Variants in PTPN14 observed in about 807,000 individuals in gnomAD.
The protein encoded by PTPN14 is tyrosine-protein phosphatase non-receptor type 14.
Under a neutral mutation model 126.8 loss-of-function variants are expected in PTPN14, and 53 were observed. The observed-to-expected ratio is 0.42, with a 90% CI of 0.34 to 0.53. The LOEUF (loss-of-function observed/expected upper bound fraction) is 0.53, where lower values mean the gene tolerates loss of function less well. Ranked by LOEUF, PTPN14 falls within the 20% of genes least tolerant of loss-of-function variation. The pLI, the probability that PTPN14 is intolerant of heterozygous loss-of-function variation, is 0.08. For synonymous variants in PTPN14, 630 were observed against 599.3 expected, an observed-to-expected ratio of 1.05 and a Z score of -0.75; for missense variants, 1,257 against 1,552.9, an observed-to-expected ratio of 0.81 and a Z score of 3.20.
At chr1:214,488,615 T>TTC (rs1661167264) in intron 1 of PTPN14, among the ~76,000 whole-genome samples, 1 of 152,222 alleles carries the variant, frequency 6.6e-6, no homozygotes, top group African/African-American at 2.4e-5. Context: ...ATCATTAACT[T>TTC]TCACCCATTT....
intron 1 of PTPN14, among the ~76,000 whole-genome samples, chr1:214,548,961 T>C (rs1471813975): frequency 6.6e-6 from 1 of 152,140 alleles, no homozygotes; most frequent in Non-Finnish European, 1.5e-5. Context: ...ACTGGGCAAA[T>C]GTCTGGGATT....
At chr1:214,482,927 T>C (rs1302426224) in intron 1 of PTPN14, 2 of 1,602,820 alleles carry the variant, frequency 1.2e-6, no homozygotes, top group African/African-American at 2.7e-5. Flanking sequence ...GAGCTCCCAC[T>C]AAGCCACCCT....
intron 1 of PTPN14, among the ~76,000 whole-genome samples, chr1:214,475,826 C>T (rs564865880): frequency 9.9e-5 from 15 of 152,280 alleles, no homozygotes; most frequent in East Asian, 1.9e-4. Context: ...CTTCCCCCCA[C>T]GATCACTCAG....
chr1:214,403,385 T>A (rs1007894395), intron 5 of PTPN14, among the ~76,000 whole-genome samples: 1 of 152,226 alleles, frequency 6.6e-6, no homozygotes, highest in Non-Finnish European at 1.5e-5. Flanking sequence ...CCTTTCTGTA[T>A]ACCAGGAAAC....
At chr1:214,425,538 C>G (rs1452120199) in intron 3 of PTPN14, among the ~76,000 whole-genome samples, 2 of 152,090 alleles carry the variant, frequency 1.3e-5, no homozygotes, top group Non-Finnish European at 2.9e-5. Context: ...TGTATTTCCC[C>G]CAACAGACCG....
intron 1 of PTPN14, among the ~76,000 whole-genome samples, chr1:214,512,860 T>C: frequency 6.6e-6 from 1 of 152,000 alleles, no homozygotes; most frequent in East Asian, 1.9e-4. Context: ...CCGGTTAATT[T>C]TTGTGTTTTT....
intron 1 of PTPN14, among the ~76,000 whole-genome samples, chr1:214,508,952 A>C (rs949200709): frequency 2.6e-5 from 4 of 152,228 alleles, no homozygotes; most frequent in Non-Finnish European, 4.4e-5. Context: ...AGTGAGCTTA[A>C]AATATTCAGT....
intron 9 of PTPN14, among the ~76,000 whole-genome samples, chr1:214,394,471 A>G (rs7513473): frequency 0.82 from 124,827 of 151,956 alleles, 51,983 homozygotes; most frequent in African/African-American, 0.96. Flanking sequence ...GCAGTGGCGC[A>G]ATCTTGGCTC....
intron 1 of PTPN14, among the ~76,000 whole-genome samples, chr1:214,525,292 C>T (rs1429416307): frequency 2.0e-5 from 3 of 152,168 alleles, no homozygotes; most frequent in Admixed American, 6.5e-5. Context: ...CAACCTCTGA[C>T]GGGACACTTT....
chr1:214,370,649 T>C (rs1031656150), intron 16 of PTPN14, among the ~76,000 whole-genome samples: 1 of 152,148 alleles, frequency 6.6e-6, no homozygotes, highest in African/African-American at 2.4e-5. Context: ...CACCATTCTT[T>C]CTCCCTTGAT....
chr1:214,455,413 T>C (rs1435944477), intron 2 of PTPN14, among the ~76,000 whole-genome samples: 2 of 152,152 alleles, frequency 1.3e-5, no homozygotes, highest in Non-Finnish European at 2.9e-5. Context: ...ATGCCTGAAA[T>C]ATCTGTTCTG....
At chr1:214,413,287 T>C (rs1659350888) in intron 4 of PTPN14, among the ~76,000 whole-genome samples, 1 of 152,194 alleles carries the variant, frequency 6.6e-6, no homozygotes, top group African/African-American at 2.4e-5. Flanking sequence ...TAACTGGCCA[T>C]TGTTTCTTCC....
chr1:214,432,961 T>C (rs1034680688), intron 3 of PTPN14, among the ~76,000 whole-genome samples: 1 of 152,164 alleles, frequency 6.6e-6, no homozygotes, highest in Non-Finnish European at 1.5e-5. Flanking sequence ...TGGAGTGCAG[T>C]GGCACGATCT....
rs1159261019 is a variant in PTPN14 at position 214,351,452 on chromosome 1, G to A, written c.*6470C>T. ...CACTGCATGTACATCCCAGTTTTGT[G>A]GCCTGAATAGAAACATGACTTGCTC... On this transcript the variant is annotated 3_prime_UTR_variant, in exon 19 of 19. Coordinates refer to ENST00000366956, the MANE Select transcript of PTPN14 (RefSeq NM_005401.5). 6.6e-6 allele frequency: 1 copy of A among 152,160 alleles called. No individual in the cohort carries two copies. The highest frequency in any genetic ancestry group is 1.9e-4 in the East Asian group (1 of 5,198). 9.4% of individuals were successfully genotyped at this position (152,160 alleles called of 1,614,324 possible). A position where few individuals can be genotyped will look rare whatever the true frequency, so the allele number is the denominator to read the frequency against.
intron 1 of PTPN14, among the ~76,000 whole-genome samples, chr1:214,503,384 C>T (rs1654756188): frequency 6.6e-6 from 1 of 152,164 alleles, no homozygotes; most frequent in Non-Finnish European, 1.5e-5. Context: ...ATCAGAAGGA[C>T]TGAATCTTAG....
At chr1:214,447,491 G>A (rs535328158) in intron 3 of PTPN14, among the ~76,000 whole-genome samples, 13 of 152,092 alleles carry the variant, frequency 8.5e-5, no homozygotes, top group East Asian at 1.9e-4. Context: ...ACACCTGATC[G>A]TTGTTGGTGG....
rs572079685 is a variant in PTPN14 at position 214,384,190 on chromosome 1, C to A, written c.1665G>T (p.Thr555=). The A allele has an allele frequency of 1.2e-6, 2 of 1,607,652 alleles. No individual in the cohort carries two copies. Among genetic ancestry groups the A allele is most frequent in the Admixed American group, 3.3e-5 (2 of 59,850 alleles). The change falls in exon 13 of 19, where the codon ACG becomes ACT. Residue 555 remains threonine, a synonymous_variant. Coordinates refer to ENST00000366956, the MANE Select transcript of PTPN14 (RefSeq NM_005401.5). The surrounding 1 kb of genome is among the most constrained non-coding windows in gnomAD (Gnocchi z 5.3). ...MQLQGSHNYS[T]AHMLKNYLFR... is the part of the protein sequence containing the mutation. The stretch of plus-strand genomic sequence containing the variant: ...AGAGATAGTTCTTAAGCATGTGGGC[C>A]GTGCTGTAGTTATGGCTGCCCTGCA...
intron 10 of PTPN14, among the ~76,000 whole-genome samples, chr1:214,392,612 ATGGTG>A (rs1162594970): frequency 6.6e-6 from 1 of 152,148 alleles, no homozygotes; most frequent in Non-Finnish European, 1.5e-5. Context: ...GCTCAAGAGA[ATGGTG>A]TGGTGCGGCA....
At chr1:214,439,625 C>T (rs940262993) in intron 3 of PTPN14, among the ~76,000 whole-genome samples, 4 of 152,156 alleles carry the variant, frequency 2.6e-5, no homozygotes, top group African/African-American at 4.8e-5. Flanking sequence ...GGCTGTAAAC[C>T]GAAACATGTT....
Sources: allele counts gnomAD v4.1 joint callset (sites outside exome capture counted in the v4.1 genomes callset), GRCh38; gene constraint gnomAD v4.1.1; non-coding constraint Gnocchi (gnomAD v3.1); transcripts MANE v1.5; gene names NCBI Gene and HGNC (gene_info 2026-07-23, HGNC 2026-07-21).